Variants in DOCK4 observed in about 807,000 individuals in gnomAD.
DOCK4 encodes the protein dedicator of cytokinesis protein 4.
A neutral mutation model predicts 268.1 loss-of-function variants in DOCK4; 97 were observed. The ratio of observed to expected loss-of-function variants is 0.36; its 90% CI spans 0.31 to 0.43. The LOEUF (loss-of-function observed/expected upper bound fraction) is 0.43, where lower values mean the gene tolerates loss of function less well. DOCK4 is among the 20% of genes least tolerant of loss of function. The pLI, the probability that DOCK4 is intolerant of heterozygous loss-of-function variation, is 1.00. For missense variants in DOCK4, 2,145 were observed against 2,455.7 expected (o/e 0.87, Z 2.67); for synonymous variants, 954 against 887.2 (o/e 1.08, Z -1.34).
intron 1 of DOCK4, among the ~76,000 whole-genome samples, chr7:112,041,921 T>C (rs1415503208): frequency 6.6e-6 from 1 of 152,122 alleles, no homozygotes; most frequent in Non-Finnish European, 1.5e-5. Context: ...AATGAGAGTG[T>C]CAGCCTATGG....
chr7:111,732,406 C>A, intron 51 of DOCK4, 119 bp from the exon 52 acceptor site: 1 of 997,012 alleles, frequency 1.0e-6, no homozygotes. Context: ...ACCTTCTAAG[C>A]AAAGGGGGTG....
chr7:112,065,242 G>A (rs928682700), intron 1 of DOCK4, among the ~76,000 whole-genome samples: 1 of 151,906 alleles, frequency 6.6e-6, no homozygotes, highest in East Asian at 1.9e-4. Context: ...CCTGACACAA[G>A]CCAAGCTTTT....
At chr7:111,842,472 T>A (rs1268688102) in intron 25 of DOCK4, among the ~76,000 whole-genome samples, 1 of 152,212 alleles carries the variant, frequency 6.6e-6, no homozygotes, top group East Asian at 1.9e-4. Flanking sequence ...TTGTCCTCAG[T>A]CACCTGTTCA....
chr7:111,849,618 T>C (rs1804388770), intron 23 of DOCK4, among the ~76,000 whole-genome samples: 1 of 152,138 alleles, frequency 6.6e-6, no homozygotes, highest in Non-Finnish European at 1.5e-5. Flanking sequence ...CATTGTCCAT[T>C]CATCTTCACA....
intron 1 of DOCK4, among the ~76,000 whole-genome samples, chr7:112,142,238 A>G (rs891125362): frequency 6.6e-6 from 1 of 152,182 alleles, no homozygotes; most frequent in African/African-American, 2.4e-5. Flanking sequence ...GGCTGGTGGG[A>G]TGTCAAACCT....
At position 111,834,690 on chromosome 7, in the gene DOCK4, AGTT is replaced by A; in HGVS notation, c.2737-7_2737-5del. Reference sequence around the variant, plus strand: ...GGAGACAAGCAACAAACTCCCCCTAAGTTAAAAAAAAAAAAAGCATACATTTTA... The same window carrying A: ...GGAGACAAGCAACAAACTCCCCCTAAAAAAAAAAAAAAAGCATACATTTTA... On this transcript the variant is annotated splice_region_variant and splice_polypyrimidine_tract_variant and intron_variant, in intron 25 of 52. Transcript: ENST00000428084. The A allele has an allele frequency of 6.6e-7, 1 of 1,509,146 alleles. No homozygotes were observed. The highest frequency in any genetic ancestry group is 2.4e-5 in the Admixed American group (1 of 42,002). The allele number at this position is 1,509,146 out of a possible 1,614,324, so 93.5% of individuals were successfully genotyped here.
chr7:112,166,878 ATGGAC>A (rs1480213387), intron 1 of DOCK4, among the ~76,000 whole-genome samples: 1 of 151,606 alleles, frequency 6.6e-6, no homozygotes, highest in Non-Finnish European at 1.5e-5. Flanking sequence ...GTTGCCCAGG[ATGGAC>A]TTGAACTCCT....
At chr7:112,083,806 G>A (rs1808808950) in intron 1 of DOCK4, among the ~76,000 whole-genome samples, 1 of 152,098 alleles carries the variant, frequency 6.6e-6, no homozygotes, top group Admixed American at 6.6e-5. Flanking sequence ...CATACCAAAG[G>A]CTTAGTTTAG....
chr7:112,151,375 C>G (rs528449850), intron 1 of DOCK4, among the ~76,000 whole-genome samples: 42 of 151,992 alleles, frequency 2.8e-4, no homozygotes, highest in African/African-American at 1.0e-3. Context: ...CAGCACCTAA[C>G]AAAAAAATAC....
At chr7:111,952,224 C>G (rs931910912) in intron 8 of DOCK4, among the ~76,000 whole-genome samples, 1 of 152,126 alleles carries the variant, frequency 6.6e-6, no homozygotes, top group Non-Finnish European at 1.5e-5. Flanking sequence ...CTCAGTTGAA[C>G]TACTGATATT....
chr7:111,736,161 A>ATAGTT (rs1795457028), intron 50 of DOCK4, among the ~76,000 whole-genome samples: 1 of 152,174 alleles, frequency 6.6e-6, no homozygotes, highest in Non-Finnish European at 1.5e-5. Context: ...CCAAATGACA[A>ATAGTT]TAGTTTACTT....
intron 1 of DOCK4, among the ~76,000 whole-genome samples, chr7:112,150,777 A>G (rs2116388394): frequency 6.6e-6 from 1 of 152,278 alleles, no homozygotes; most frequent in Middle Eastern, 3.4e-3. Context: ...AAAAAGTCCC[A>G]ATGTTAGACC....
At chr7:111,988,574 T>C (rs965251520) in intron 6 of DOCK4, among the ~76,000 whole-genome samples, 1 of 152,208 alleles carries the variant, frequency 6.6e-6, no homozygotes, top group Non-Finnish European at 1.5e-5. Context: ...AGTGCACCTG[T>C]CATAAGACTT....
chr7:111,736,552 A>C (rs1483697231), intron 50 of DOCK4, among the ~76,000 whole-genome samples: 1 of 152,198 alleles, frequency 6.6e-6, no homozygotes, highest in Non-Finnish European at 1.5e-5. Context: ...AGGGAGACGA[A>C]GGATGGGACC....
chr7:111,795,658 T>C (rs1417531868), intron 30 of DOCK4, among the ~76,000 whole-genome samples: 1 of 152,168 alleles, frequency 6.6e-6, no homozygotes, highest in Non-Finnish European at 1.5e-5. Flanking sequence ...ATCTTCGACT[T>C]TGTCACATGT....
intron 12 of DOCK4, among the ~76,000 whole-genome samples, chr7:111,916,320 T>C (rs950142606): frequency 2.0e-5 from 3 of 152,128 alleles, no homozygotes; most frequent in African/African-American, 7.2e-5. Context: ...CTATGAATAG[T>C]TGCTTATCAA....
intron 11 of DOCK4, among the ~76,000 whole-genome samples, chr7:111,939,356 A>G (rs569984833): frequency 6.6e-6 from 1 of 151,896 alleles, no homozygotes; most frequent in African/African-American, 2.4e-5. Flanking sequence ...TCTACTAAAA[A>G]TACAAAAAAT....
chr7:111,915,983 C>A (rs530835635), intron 12 of DOCK4, 79 bp from the exon 13 acceptor site: 1,463 of 1,448,062 alleles, frequency 1.0e-3, no homozygotes, highest in Non-Finnish European at 1.2e-3. Context: ...GCAACAAGCC[C>A]AAATTTAGAA....
At chr7:111,940,708 T>C (rs1011125558) in intron 10 of DOCK4, among the ~76,000 whole-genome samples, 6 of 152,254 alleles carry the variant, frequency 3.9e-5, no homozygotes, top group African/African-American at 1.4e-4. Context: ...CAAATGTGCA[T>C]GCTCCTGCCT....
Sources: allele counts gnomAD v4.1 joint callset (sites outside exome capture counted in the v4.1 genomes callset), GRCh38; gene constraint gnomAD v4.1.1; transcripts MANE v1.5; gene names NCBI Gene and HGNC (gene_info 2026-07-23, HGNC 2026-07-21).